The following SNRPB variants were observed in gnomAD, a reference collection of about 807,000 sequenced individuals.
SNRPB encodes small nuclear ribonucleoprotein polypeptides B and B1.
A neutral mutation model predicts 26.6 loss-of-function variants in SNRPB; 5 were observed. That is an observed-to-expected ratio of 0.19 (90% CI 0.10 to 0.39). The LOEUF (loss-of-function observed/expected upper bound fraction) is 0.39. SNRPB is among the 10% of genes least tolerant of loss of function. SNRPB has a pLI of 1.00. For synonymous variants in SNRPB, 122 were observed against 105.8 expected (o/e 1.15, Z -0.94); for missense variants, 211 against 311.9 (o/e 0.68, Z 2.44).
At chr20:2,464,164 A>G (rs1400804479) in intron 3 of SNRPB, among the ~76,000 whole-genome samples, 1 of 152,218 alleles carries the variant, frequency 6.6e-6, no homozygotes, top group Non-Finnish European at 1.5e-5. Flanking sequence ...TGAAAGTTAA[A>G]CCAAGAGCAA....
At chr20:2,467,161 C>A in intron 2 of SNRPB, 1 of 379,734 alleles carries the variant, frequency 2.6e-6, no homozygotes, top group Non-Finnish European at 5.1e-6. Flanking sequence ...AATCACTGGC[C>A]CCAAACCCAC....
intron 2 of SNRPB, 100 bp downstream of exon 2, chr20:2,467,505 CAG>C (rs2085081949): frequency 1.8e-6 from 2 of 1,102,822 alleles, no homozygotes; most frequent in African/African-American, 1.6e-5. Context: ...GGAGAATAAA[CAG>C]AGAAGAACCA....
At chr20:2,470,565 C>T (rs755771384) in intron 1 of SNRPB, 123 bp downstream of exon 1, 27 of 1,208,668 alleles carry the variant, frequency 2.2e-5, no homozygotes, top group Admixed American at 3.9e-5. Context: ...GACCGAGCGG[C>T]CTCGGCCCAG....
Position 2,463,488 on chromosome 20 carries a change from T to C in SNRPB, c.420+259A>G, listed in dbSNP as rs1472394694. On this transcript the variant is annotated intron_variant, in intron 4 of 6. Transcript: ENST00000381342. The surrounding 1 kb of genome is among the most constrained non-coding windows in gnomAD (Gnocchi z 5.0). Reference sequence around the variant, plus strand: ...CAACTGCATTTTCAAATATGACTCATGATTTCAAATGCTGTCATGGAAATA... The same window carrying C: ...CAACTGCATTTTCAAATATGACTCACGATTTCAAATGCTGTCATGGAAATA... 6.6e-6 allele frequency among the ~76,000 whole-genome samples: 1 copy of C among 152,252 alleles called. No individual in the cohort carries two copies. The highest frequency in any genetic ancestry group is 1.5e-5 in the Non-Finnish European group (1 of 68,046).
chr20:2,463,071 T>C lies in SNRPB; in HGVS notation c.559+18A>G. On this transcript the variant is annotated intron_variant, in intron 5 of 6. Transcript: ENST00000381342. The surrounding 1 kb of genome is among the most constrained non-coding windows in gnomAD (Gnocchi z 5.0). The stretch of plus-strand genomic sequence containing the variant: ...CATCTTCTATCAATTAGCACTGGTC[T>C]CCTTATGGGCTCCTCACCTGGAGGG... The C allele has an allele frequency of 1.3e-6, 2 of 1,530,434 alleles. No homozygotes were observed. Among genetic ancestry groups the C allele is most frequent in the Non-Finnish European group, 8.8e-7 (1 of 1,141,738 alleles). The allele number at this position is 1,530,434 out of a possible 1,614,324, so 94.8% of individuals were successfully genotyped here. A position where few individuals can be genotyped will look rare whatever the true frequency, so the allele number is the denominator to read the frequency against.
intron 2 of SNRPB, 105 bp downstream of exon 2, chr20:2,467,502 A>G: frequency 1.9e-6 from 2 of 1,067,278 alleles, no homozygotes; most frequent in Non-Finnish European, 2.8e-6. Flanking sequence ...ACTGGAGAAT[A>G]AACAGAGAAG....
Position 2,467,636 on chromosome 20 carries a change from G to C in SNRPB, c.126C>G (p.Leu42=), listed in dbSNP as rs2085083347. ...KAFDKHMNLI[L]CDCDEFRKIK... is the part of the protein sequence containing the mutation. ...TCTTTCTGAACTCATCACAGTCACAGAGGATCAAATTCATGTGCTTGTCAA... is the reference window on the plus strand; with the variant it reads ...TCTTTCTGAACTCATCACAGTCACACAGGATCAAATTCATGTGCTTGTCAA... Residue 42 remains leucine, a synonymous_variant, in exon 2 of 7, where the codon CTC becomes CTG. Coordinates refer to ENST00000381342, the MANE Select transcript of SNRPB (RefSeq NM_003091.4). 4 of 1,614,162 alleles carry C rather than the reference G, an allele frequency of 2.5e-6. No homozygotes were observed. Among genetic ancestry groups the C allele is most frequent in the Middle Eastern group, 1.6e-4 (1 of 6,062 alleles).
At chr20:2,462,590 C>CT in intron 6 of SNRPB, 46 bp downstream of exon 6, 2 of 1,566,812 alleles carry the variant, frequency 1.3e-6, no homozygotes, top group Non-Finnish European at 1.8e-6. Flanking sequence ...TCCTATCCCA[C>CT]TAGGCTCTAG....
intron 3 of SNRPB, among the ~76,000 whole-genome samples, chr20:2,465,254 G>C (rs1166299495): frequency 6.6e-6 from 1 of 152,172 alleles, no homozygotes; most frequent in African/African-American, 2.4e-5. Flanking sequence ...GTCACATTAA[G>C]AACTGACCCA....
Position 2,470,750 on chromosome 20 carries a change from T to A in SNRPB, c.-60A>T. The A allele has an allele frequency of 6.2e-7, 1 of 1,604,116 alleles. No homozygotes were observed. Among genetic ancestry groups the A allele is most frequent in the Non-Finnish European group, 8.5e-7 (1 of 1,174,812 alleles). Reference sequence around the variant, plus strand: ...TTCGCCTCCTCAGAGGCCTAGCCTCTCTCCCACAGCCGATTTCCCGCCGCC... The same window carrying A: ...TTCGCCTCCTCAGAGGCCTAGCCTCACTCCCACAGCCGATTTCCCGCCGCC... On this transcript the variant is annotated 5_prime_UTR_variant, in exon 1 of 7. Transcript: ENST00000381342.
chr20:2,462,765 C>T lies in SNRPB; in HGVS notation c.560-4G>A, dbSNP rs545681981. 65 of 1,528,540 alleles carry T rather than the reference C, an allele frequency of 4.3e-5. No homozygotes were observed. In the East Asian group the frequency reaches 1.3e-3, roughly 30 times the overall value. 94.7% of individuals were successfully genotyped at this position (1,528,540 alleles called of 1,614,324 possible). ...CCAGGAGGTGGGCCCATCATGCCTGCAAGAGAAAAGCCCCAAGAATATAGC... is the reference window on the plus strand; with the variant it reads ...CCAGGAGGTGGGCCCATCATGCCTGTAAGAGAAAAGCCCCAAGAATATAGC... On this transcript the variant is annotated splice_polypyrimidine_tract_variant and splice_region_variant and intron_variant, in intron 5 of 6. Transcript: ENST00000381342.
chr20:2,470,555 G>T, intron 1 of SNRPB, 133 bp downstream of exon 1: 1 of 1,096,052 alleles, frequency 9.1e-7, no homozygotes, highest in Non-Finnish European at 1.3e-6. Context: ...TTCCCGCCCA[G>T]ACCGAGCGGC....
intron 1 of SNRPB, among the ~76,000 whole-genome samples, chr20:2,469,474 CT>C (rs1251556792): frequency 1.3e-5 from 2 of 152,058 alleles, no homozygotes; most frequent in Non-Finnish European, 2.9e-5. Context: ...GGTGGATTAA[CT>C]GAGGTCAGGA....
intron 3 of SNRPB, 33 bp downstream of exon 3, chr20:2,465,675 C>T (rs774048248): frequency 5.6e-6 from 8 of 1,425,994 alleles, no homozygotes; most frequent in Non-Finnish European, 6.9e-6. Flanking sequence ...GTAGGGCCTC[C>T]CCTCCTCCAC....
Position 2,463,140 on chromosome 20 carries a change from G to C in SNRPB, c.508C>G (p.Pro170Ala), listed in dbSNP as rs1436761541. The C allele has an allele frequency of 3.1e-6, 5 of 1,610,458 alleles. No individual in the cohort carries two copies. The highest frequency in any genetic ancestry group is 4.2e-6 in the Non-Finnish European group (5 of 1,178,038). ...SIAGAPTQYP[P>A]GRGGPPPPMG... ...GGTGGGGGAGGACCCCCACGGCCAG[G>C]TGGGTACTGGGTTGGAGCCCCGGCA... The change falls in exon 5 of 7, where the codon CCT (proline) becomes GCT (alanine). Residue 170 changes from proline to alanine, a missense_variant. Coordinates refer to ENST00000381342, the MANE Select transcript of SNRPB (RefSeq NM_003091.4). This position sits in a 1 kb window ranked among gnomAD's most constrained non-coding sequence, Gnocchi z 5.0.
At position 2,463,235 on chromosome 20, in the gene SNRPB, G is replaced by A. The variant is rs759310762; in HGVS notation, c.421-8C>T. 2.5e-6 allele frequency: 4 copies of A among 1,607,274 alleles called. No homozygotes were observed. The South Asian group carries it at 3.3e-5, about 13-fold the overall frequency. The stretch of plus-strand genomic sequence containing the variant: ...TCCTTGTGGGGTCATCACCTAAGAG[G>A]ACATAAGAAGAAAGAGTTAGAAGAG... On this transcript the variant is annotated splice_region_variant and splice_polypyrimidine_tract_variant and intron_variant, in intron 4 of 6. Coordinates refer to ENST00000381342, the MANE Select transcript of SNRPB (RefSeq NM_003091.4). This position sits in a 1 kb window ranked among gnomAD's most constrained non-coding sequence, Gnocchi z 5.0.
chr20:2,469,079 A>C (rs13044564), intron 1 of SNRPB, among the ~76,000 whole-genome samples: 91,731 of 152,134 alleles, frequency 0.6, 30,557 homozygotes, highest in Non-Finnish European at 0.74. Flanking sequence ...CAGCTCAACT[A>C]ATGTTTACTG....
chr20:2,463,318 T>C lies in SNRPB; in HGVS notation c.421-91A>G. On this transcript the variant is annotated intron_variant, in intron 4 of 6. Transcript: ENST00000381342. This position sits in a 1 kb window ranked among gnomAD's most constrained non-coding sequence, Gnocchi z 5.0. ...CAACTTGGGGAAGGACAGTGGGAAATAACAGACACCAAATCCCTTAATGCT... is the reference window on the plus strand; with the variant it reads ...CAACTTGGGGAAGGACAGTGGGAAACAACAGACACCAAATCCCTTAATGCT... 1 of 961,270 alleles carries C rather than the reference T, an allele frequency of 1.0e-6. No homozygotes were observed. The highest frequency in any genetic ancestry group is 1.7e-6 in the Non-Finnish European group (1 of 593,748). 59.5% of individuals were successfully genotyped at this position (961,270 alleles called of 1,614,324 possible).
chr20:2,468,256 C>T (rs984558396), intron 1 of SNRPB, among the ~76,000 whole-genome samples: 1 of 152,142 alleles, frequency 6.6e-6, no homozygotes, highest in Non-Finnish European at 1.5e-5. Context: ...AAATGAAATC[C>T]ACATATCAAG....
Sources: gnomAD v4.1 joint callset for allele counts (sites outside exome capture counted in the v4.1 genomes callset) on GRCh38, gnomAD v4.1.1 for gene constraint, Gnocchi (gnomAD v3.1) non-coding constraint, MANE v1.5 for transcripts, NCBI Gene and HGNC (gene_info 2026-07-23, HGNC 2026-07-21) for gene names.